The following PHKB variants were observed in gnomAD, a reference collection of about 807,000 sequenced individuals.
The protein encoded by PHKB is phosphorylase b kinase regulatory subunit beta.
A neutral mutation model predicts 152.1 loss-of-function variants in PHKB; 122 were observed. The observed-to-expected ratio is 0.80, with a 90% CI of 0.69 to 0.93. The LOEUF is 0.93. Among genes scored for constraint, PHKB ranks in the 40% least tolerant of loss-of-function variants. The probability of loss-of-function intolerance (pLI) is 0.00; values close to 1 mark genes in which losing one functional copy is unlikely to be tolerated. For synonymous variants in PHKB, 436 were observed against 464.9 expected, an observed-to-expected ratio of 0.94 and a Z score of 0.80; for missense variants, 1,304 against 1,328.4, an observed-to-expected ratio of 0.98 and a Z score of 0.29.
chr16:47,608,966 T>C (rs776721362), intron 13 of PHKB, among the ~76,000 whole-genome samples: 7 of 152,210 alleles, frequency 4.6e-5, no homozygotes, highest in Non-Finnish European at 8.8e-5. Flanking sequence ...GATATCCTTG[T>C]CTTATTCCTG....
intron 15 of PHKB, 56 bp from the exon 16 acceptor site, chr16:47,641,543 C>T (rs1973021392): frequency 6.7e-6 from 6 of 897,558 alleles, no homozygotes; most frequent in South Asian, 4.0e-5. Flanking sequence ...TTCACTGCTT[C>T]CTAAACTGTA....
intron 1 of PHKB, among the ~76,000 whole-genome samples, chr16:47,489,602 T>G (rs1447224319): frequency 6.6e-6 from 1 of 152,168 alleles, no homozygotes; most frequent in Non-Finnish European, 1.5e-5. Flanking sequence ...ACCCTGTGAG[T>G]TGGGTAACCC....
rs1230749940 is a variant in PHKB, at chr16:47,669,217, A to G, written c.2430A>G (p.Val810=). ...CAATAAAATTCTGCCACTTGTAGGTAACTCTGGGTGCCTTTGGGCATGAAG... is the reference window on the plus strand; with the variant it reads ...CAATAAAATTCTGCCACTTGTAGGTGACTCTGGGTGCCTTTGGGCATGAAG... ...ITTFLVHGKQ[V]TLGAFGHEEE... The change falls in exon 26 of 31, where the codon GTA becomes GTG. Residue 810 remains valine, a splice_region_variant and synonymous_variant. Transcript: ENST00000323584. 6.2e-6 allele frequency: 10 copies of G among 1,612,790 alleles called. No individual in the cohort carries two copies. The highest frequency in any genetic ancestry group is 7.6e-6 in the Non-Finnish European group (9 of 1,178,972).
chr16:47,508,472 A>C (rs1970457140), intron 4 of PHKB, among the ~76,000 whole-genome samples: 1 of 152,172 alleles, frequency 6.6e-6, no homozygotes, highest in Non-Finnish European at 1.5e-5. Context: ...GTTTCTAATT[A>C]ATGAGAAATC....
intron 16 of PHKB, among the ~76,000 whole-genome samples, chr16:47,643,842 G>A (rs1973067845): frequency 6.6e-6 from 1 of 152,172 alleles, no homozygotes; most frequent in East Asian, 1.9e-4. Context: ...TAATATTCAT[G>A]ATGTGATGAC....
At chr16:47,464,181 T>A (rs1235626215) in intron 1 of PHKB, 2 of 600,322 alleles carry the variant, frequency 3.3e-6, no homozygotes, top group Non-Finnish European at 6.0e-6. Context: ...GTTCTTCTCA[T>A]GTGGGATGTG....
intron 1 of PHKB, among the ~76,000 whole-genome samples, chr16:47,482,899 T>C (rs1182861472): frequency 6.6e-6 from 1 of 151,484 alleles, no homozygotes; most frequent in African/African-American, 2.4e-5. Context: ...TTTTGTATTT[T>C]TAGGAGAGAT....
intron 14 of PHKB, among the ~76,000 whole-genome samples, chr16:47,638,588 CT>C (rs1417202902): frequency 6.6e-6 from 1 of 152,204 alleles, no homozygotes; most frequent in Non-Finnish European, 1.5e-5. Context: ...CCTTCAGTCA[CT>C]TTTTTTAAAT....
Position 47,642,273 on chromosome 16 carries a change from G to A in PHKB, c.1608+581G>A, listed in dbSNP as rs2341960. 6.5e-3 allele frequency among the ~76,000 whole-genome samples: 991 copies of A among 152,200 alleles called. 30 individuals carry two copies. The East Asian group carries it at 0.11, about 17-fold the overall frequency. On this transcript the variant is annotated intron_variant, in intron 16 of 30. Coordinates refer to ENST00000323584, the MANE Select transcript of PHKB (RefSeq NM_000293.3). ...CCTCTTTGGTTTGCTGGGTCTCAAA[G>A]CAATTATAAAGTAAAAGTAACATCT...
At chr16:47,541,747 GTGA>G (rs1275759631) in intron 6 of PHKB, among the ~76,000 whole-genome samples, 1 of 152,222 alleles carries the variant, frequency 6.6e-6, no homozygotes, top group Non-Finnish European at 1.5e-5. Context: ...CTGACGACCA[GTGA>G]TGATGAGCAT....
rs577325115 is a variant in PHKB, at chr16:47,517,851, A to G, written c.594+2250A>G. ...TGCAGCTAATTATCAATAGCCTTCA[A>G]TATGTACACTTAAAAATCCTAGAGT... On this transcript the variant is annotated intron_variant, in intron 6 of 30. Transcript: ENST00000323584. Among the ~76,000 whole-genome samples, 135 of 152,306 alleles carry G rather than the reference A, an allele frequency of 8.9e-4. 2 individuals are homozygous for G. In the Middle Eastern group the frequency reaches 0.024, roughly 27 times the overall value.
rs887330137 is a variant in PHKB at position 47,624,754 on chromosome 16, C to T, written c.1458+13834C>T. ...CTGTCTTACTTCCCTTCTTTCCTTC[C>T]CTTTCAGACAGCTTAGAAAAATGCT... On this transcript the variant is annotated intron_variant, in intron 14 of 30. Transcript: ENST00000323584. 2.6e-5 allele frequency among the ~76,000 whole-genome samples: 4 copies of T among 152,160 alleles called. No individual in the cohort carries two copies. In the East Asian group the frequency reaches 5.8e-4, roughly 22 times the overall value.
At chr16:47,469,731 T>G (rs11866307) in intron 1 of PHKB, among the ~76,000 whole-genome samples, 1 of 152,106 alleles carries the variant, frequency 6.6e-6, no homozygotes, top group Non-Finnish European at 1.5e-5. Flanking sequence ...GTAACAAACT[T>G]GCACGTGTAC....
At chr16:47,691,280 A>T (rs1177800369) in intron 27 of PHKB, among the ~76,000 whole-genome samples, 1 of 152,222 alleles carries the variant, frequency 6.6e-6, no homozygotes. Flanking sequence ...CCAATTCTGG[A>T]TTGGATTCTG....
At chr16:47,598,545 A>G in intron 13 of PHKB, 1 of 665,738 alleles carries the variant, frequency 1.5e-6, no homozygotes. Context: ...CATATTTTCT[A>G]TATCACTTTT....
chr16:47,653,680 T>C (rs569389659), intron 20 of PHKB, among the ~76,000 whole-genome samples: 1 of 152,328 alleles, frequency 6.6e-6, no homozygotes, highest in East Asian at 1.9e-4. Flanking sequence ...TACCTAGGCA[T>C]TTTTCTATTC....
chr16:47,696,563 G>A, intron 29 of PHKB, 75 bp downstream of exon 29: 1 of 833,126 alleles, frequency 1.2e-6, no homozygotes, highest in East Asian at 2.4e-5. Flanking sequence ...AAGGGAAACT[G>A]CCTATGAGAC....
At chr16:47,489,210 G>A (rs528752922) in intron 1 of PHKB, among the ~76,000 whole-genome samples, 5 of 152,110 alleles carry the variant, frequency 3.3e-5, no homozygotes, top group Non-Finnish European at 7.4e-5. Flanking sequence ...TGCCACCATG[G>A]CTGGCTAATT....
chr16:47,504,994 A>G (rs955876203), intron 4 of PHKB, among the ~76,000 whole-genome samples: 1 of 152,204 alleles, frequency 6.6e-6, no homozygotes, highest in African/African-American at 2.4e-5. Flanking sequence ...AGCAGTCCTG[A>G]TGTGTAAATC....
Sources: gnomAD v4.1 joint callset for allele counts (sites outside exome capture counted in the v4.1 genomes callset) on GRCh38, gnomAD v4.1.1 for gene constraint, MANE v1.5 for transcripts, NCBI Gene and HGNC (gene_info 2026-07-23, HGNC 2026-07-21) for gene names.